Variants in SENP5 observed in about 807,000 individuals in gnomAD.
SENP5 encodes SUMO specific peptidase 5.
A neutral mutation model predicts 74.2 loss-of-function variants in SENP5; 21 were observed. The observed-to-expected ratio is 0.28, with a 90% CI of 0.20 to 0.41. The LOEUF is 0.41. Among genes scored for constraint, SENP5 ranks in the 10% least tolerant of loss-of-function variants. The probability of loss-of-function intolerance (pLI) is 1.00; values close to 1 mark genes in which losing one functional copy is unlikely to be tolerated. For missense variants in SENP5, 717 were observed against 889.1 expected, an observed-to-expected ratio of 0.81 and a Z score of 2.46; for synonymous variants, 311 against 312.7, an observed-to-expected ratio of 0.99 and a Z score of 0.06.
chr3:196,927,492 C>T (rs953260793), intron 7 of SENP5, among the ~76,000 whole-genome samples: 13 of 152,116 alleles, frequency 8.5e-5, no homozygotes, highest in Admixed American at 2.0e-4. Context: ...CGGCTTTAGC[C>T]GGGAGCGGTG....
chr3:196,925,302 GAAAAA>G (rs370345870), intron 7 of SENP5, among the ~76,000 whole-genome samples: 2 of 151,574 alleles, frequency 1.3e-5, no homozygotes, highest in Non-Finnish European at 2.9e-5. Flanking sequence ...AGAAATCCAG[GAAAAA>G]AAATACCCCA....
intron 2 of SENP5, among the ~76,000 whole-genome samples, chr3:196,899,106 T>TA (rs963114611): frequency 3.3e-5 from 5 of 149,710 alleles, no homozygotes; most frequent in African/African-American, 1.2e-4. Context: ...AGTGCCTCAC[T>TA]AGCTGTTATC....
rs1560143529 is a variant in SENP5 at position 196,886,263 on chromosome 3, G to A, written c.1082G>A (p.Cys361Tyr). 2.5e-6 allele frequency: 4 copies of A among 1,614,126 alleles called. No individual in the cohort carries two copies. The highest frequency in any genetic ancestry group is 3.4e-6 in the Non-Finnish European group (4 of 1,180,012). Residue 361 changes from cysteine (C) to tyrosine (Y), a missense_variant, in exon 2 of 10, where the codon TGT (cysteine) becomes TAT (tyrosine). Coordinates refer to ENST00000323460, the MANE Select transcript of SENP5 (RefSeq NM_152699.5). ...SATNAWDQSS[C>Y]SSPKWECTEL... Reference sequence around the variant, plus strand: ...ACAAACGCCTGGGACCAGTCATCCTGTTCTTCTCCTAAGTGGGAGTGTACA... The same window carrying A: ...ACAAACGCCTGGGACCAGTCATCCTATTCTTCTCCTAAGTGGGAGTGTACA...
At chr3:196,880,514 C>T (rs1384474582) in intron 1 of SENP5, among the ~76,000 whole-genome samples, 1 of 152,186 alleles carries the variant, frequency 6.6e-6, no homozygotes, top group Admixed American at 6.5e-5. Flanking sequence ...TGAACTGAGA[C>T]TCAATCCAGG....
chr3:196,893,755 C>G (rs978824403), intron 2 of SENP5, among the ~76,000 whole-genome samples: 4 of 151,882 alleles, frequency 2.6e-5, no homozygotes, highest in African/African-American at 9.7e-5. Context: ...ACTAAAAATA[C>G]AAAAATTAGC....
intron 1 of SENP5, among the ~76,000 whole-genome samples, chr3:196,880,691 G>C (rs1053243342): frequency 7.2e-6 from 1 of 139,348 alleles, no homozygotes; most frequent in Non-Finnish European, 1.5e-5. Flanking sequence ...CCCCAGGCTG[G>C]AGTGCAATGG....
intron 1 of SENP5, among the ~76,000 whole-genome samples, chr3:196,873,578 C>T (rs1416928705): frequency 2.6e-5 from 4 of 151,956 alleles, no homozygotes; most frequent in Admixed American, 6.5e-5. Context: ...TGGTGGCTCA[C>T]GCCTGTAATC....
intron 2 of SENP5, among the ~76,000 whole-genome samples, chr3:196,894,740 G>A (rs1309925715): frequency 3.9e-5 from 6 of 151,970 alleles, no homozygotes; most frequent in Non-Finnish European, 7.4e-5. Flanking sequence ...AGGACCTGGC[G>A]CTCCTTATTC....
intron 6 of SENP5, among the ~76,000 whole-genome samples, chr3:196,907,331 G>A (rs929028002): frequency 6.6e-6 from 1 of 151,746 alleles, no homozygotes; most frequent in Non-Finnish European, 1.5e-5. Flanking sequence ...AAAATTAGCC[G>A]GGCGTGGTGA....
chr3:196,899,828 CTT>C (rs1714621817), intron 3 of SENP5, 57 bp downstream of exon 3: 3 of 1,568,928 alleles, frequency 1.9e-6, no homozygotes, highest in Middle Eastern at 1.7e-4. Context: ...GCATATATGA[CTT>C]TTCTCTTGAT....
intron 1 of SENP5, among the ~76,000 whole-genome samples, chr3:196,881,608 CT>C (rs955746993): frequency 6.6e-6 from 1 of 151,906 alleles, no homozygotes; most frequent in Non-Finnish European, 1.5e-5. Flanking sequence ...TTCCATTAGG[CT>C]TTTTTTCAGT....
intron 8 of SENP5, 60 bp downstream of exon 8, chr3:196,927,939 G>T: frequency 8.9e-7 from 1 of 1,129,714 alleles, no homozygotes; most frequent in Non-Finnish European, 1.3e-6. Context: ...ATCTAAGGGT[G>T]GGTGCCTTTA....
chr3:196,885,496 TTCC>T lies in SENP5; in HGVS notation c.321_323del (p.Ser108del), dbSNP rs1328065088. 1 of 1,614,126 alleles carries T rather than the reference TTCC, an allele frequency of 6.2e-7. No homozygotes were observed. Among genetic ancestry groups the T allele is most frequent in the African/African-American group, 1.3e-5 (1 of 75,054 alleles). On this transcript the variant is annotated inframe_deletion, in exon 2 of 10. Transcript: ENST00000323460. The stretch of plus-strand genomic sequence containing the variant: ...AAAGAAAGGACGCTAAACACTTCAT[TTCC>T]TCCTCAAAGACTCTCCTGAGACTCC...
rs117731872 is a variant in SENP5, at chr3:196,878,599, T to A, written c.-31-6552T>A. On this transcript the variant is annotated intron_variant, in intron 1 of 9. Coordinates refer to ENST00000323460, the MANE Select transcript of SENP5 (RefSeq NM_152699.5). The stretch of plus-strand genomic sequence containing the variant: ...ACATGTCTTTAAATTACCTTTTTAT[T>A]TTTATATTTTATGAGATGGAGTCTT... 6.2e-4 allele frequency among the ~76,000 whole-genome samples: 95 copies of A among 152,216 alleles called. No homozygotes were observed. The East Asian group carries it at 0.017, about 27-fold the overall frequency.
intron 6 of SENP5, among the ~76,000 whole-genome samples, chr3:196,918,804 G>T (rs1715491931): frequency 1.3e-5 from 2 of 151,992 alleles, no homozygotes; most frequent in South Asian, 4.1e-4. Context: ...GACTGAAAGG[G>T]CTGGAAAAAC....
intron 2 of SENP5, among the ~76,000 whole-genome samples, chr3:196,897,823 G>A (rs972757483): frequency 2.6e-5 from 4 of 152,106 alleles, no homozygotes; most frequent in South Asian, 2.1e-4. Context: ...AGTCATGTCT[G>A]TACTTCTGTG....
chr3:196,888,614 A>G (rs1481122316), intron 2 of SENP5, among the ~76,000 whole-genome samples: 1 of 151,680 alleles, frequency 6.6e-6, no homozygotes, highest in African/African-American at 2.4e-5. Context: ...AAGTGAAAAC[A>G]GTAAGTTGCA....
chr3:196,884,760 C>T (rs1713880198), intron 1 of SENP5, among the ~76,000 whole-genome samples: 1 of 151,392 alleles, frequency 6.6e-6, no homozygotes, highest in Non-Finnish European at 1.5e-5. Flanking sequence ...GCAACCTCCA[C>T]CTCCCAGGTT....
At chr3:196,910,952 G>A (rs1043600994) in intron 6 of SENP5, among the ~76,000 whole-genome samples, 1 of 151,964 alleles carries the variant, frequency 6.6e-6, no homozygotes, top group African/African-American at 2.4e-5. Flanking sequence ...TGACAAACCC[G>A]ACAAAAGCAA....
Sources: gnomAD v4.1 joint callset for allele counts (sites outside exome capture counted in the v4.1 genomes callset) on GRCh38, gnomAD v4.1.1 for gene constraint, MANE v1.5 for transcripts, NCBI Gene and HGNC (gene_info 2026-07-23, HGNC 2026-07-21) for gene names.